The following SDCCAG8 variants were observed in gnomAD, a reference collection of about 807,000 sequenced individuals.
SDCCAG8 encodes the protein SHH signaling and ciliogenesis regulator SDCCAG8.
In SDCCAG8, 74 loss-of-function variants were observed where a neutral mutation model predicts 101.8. The observed-to-expected ratio is 0.73, with a 90% CI of 0.60 to 0.88. The LOEUF is 0.88. Among genes scored for constraint, SDCCAG8 ranks in the 40% least tolerant of loss-of-function variants. SDCCAG8 has a pLI of 0.00. For missense variants in SDCCAG8, 787 were observed against 822.6 expected (o/e 0.96, Z 0.53); for synonymous variants, 281 against 292.9 (o/e 0.96, Z 0.41).
chr1:243,334,139 T>C (rs1320756343), intron 10 of SDCCAG8, among the ~76,000 whole-genome samples: 1 of 152,162 alleles, frequency 6.6e-6, no homozygotes, highest in Non-Finnish European at 1.5e-5. Flanking sequence ...CTTAAGCCCC[T>C]GAGCATTTAC....
intron 13 of SDCCAG8, among the ~76,000 whole-genome samples, chr1:243,403,526 T>C (rs1311792190): frequency 6.6e-6 from 1 of 152,154 alleles, no homozygotes; most frequent in Non-Finnish European, 1.5e-5. Context: ...AGAGGTACTG[T>C]TATTAACCTT....
At chr1:243,281,866 G>A (rs895550222) in intron 4 of SDCCAG8, among the ~76,000 whole-genome samples, 16 of 151,902 alleles carry the variant, frequency 1.1e-4, no homozygotes, top group Admixed American at 5.9e-4. Context: ...GGCTGGTGGC[G>A]AACTCCTGGC....
chr1:243,435,843 C>T (rs566991427), intron 16 of SDCCAG8, among the ~76,000 whole-genome samples: 6 of 151,758 alleles, frequency 4.0e-5, no homozygotes, highest in African/African-American at 1.2e-4. Context: ...TCTTTACAAT[C>T]GTATTTTCAG....
At chr1:243,440,584 G>C (rs933233500) in intron 16 of SDCCAG8, among the ~76,000 whole-genome samples, 9 of 152,186 alleles carry the variant, frequency 5.9e-5, no homozygotes, top group African/African-American at 2.2e-4. Context: ...GGAGCTGTGT[G>C]TAAGGCCCTG....
chr1:243,457,973 G>A (rs947323617), intron 16 of SDCCAG8, among the ~76,000 whole-genome samples: 26 of 152,296 alleles, frequency 1.7e-4, no homozygotes, highest in African/African-American at 5.5e-4. Context: ...TAATATGTTA[G>A]GCATCACTCT....
Position 243,256,190 on chromosome 1 carries a change from A to G in SDCCAG8, c.17A>G (p.Glu6Gly). ...AGTGCGTGCATGGCGAAGTCCCCGG[A>G]GAACTCTACCCTGGAGGAGATTCTG... MAKSPENSTLEEILGQ... is the reference protein window; with the variant it reads MAKSPGNSTLEEILGQ... Residue 6 changes from glutamate (E) to glycine (G), a missense_variant, in exon 1 of 18, where the codon GAG (glutamate) becomes GGG (glycine). By Grantham distance (98) the Glu-to-Gly change is moderately conservative (BLOSUM62 -2). Transcript: ENST00000366541. The G allele has an allele frequency of 6.2e-7, 1 of 1,614,214 alleles. No homozygotes were observed. The highest frequency in any genetic ancestry group is 8.5e-7 in the Non-Finnish European group (1 of 1,180,016).
At chr1:243,309,309 G>A (rs1176624754) in intron 8 of SDCCAG8, among the ~76,000 whole-genome samples, 2 of 152,140 alleles carry the variant, frequency 1.3e-5, no homozygotes, top group African/African-American at 4.8e-5. Context: ...TTAAAATGGT[G>A]ACATAAGTAC....
In SDCCAG8 at chr1:243,316,333, A is replaced by G. The variant is rs377391470; in HGVS notation, c.930-422A>G. ...AAAGGACATATATTTGTTCAAGTAA[A>G]TGAGAGGAGAATCTGCTGCATGGAC... is the stretch of plus-strand genomic sequence containing the variant. On this transcript the variant is annotated intron_variant, in intron 8 of 17. Coordinates refer to ENST00000366541, the MANE Select transcript of SDCCAG8 (RefSeq NM_006642.5). Among the ~76,000 whole-genome samples, 135 of 152,332 alleles carry G rather than the reference A, an allele frequency of 8.9e-4. 1 individual carries two copies. The highest frequency in any genetic ancestry group is 3.0e-3 in the African/African-American group (126 of 41,582).
chr1:243,340,224 A>G (rs1239981448), intron 10 of SDCCAG8, among the ~76,000 whole-genome samples: 1 of 152,222 alleles, frequency 6.6e-6, no homozygotes, highest in African/African-American at 2.4e-5. Flanking sequence ...TGGTTGAGGT[A>G]CACAGAGGTT....
chr1:243,385,301 G>A (rs1320595723), intron 13 of SDCCAG8, among the ~76,000 whole-genome samples: 1 of 152,096 alleles, frequency 6.6e-6, no homozygotes, highest in Admixed American at 6.5e-5. Flanking sequence ...GAGGTGGGAG[G>A]ATGGCTTGAG....
intron 3 of SDCCAG8, among the ~76,000 whole-genome samples, chr1:243,272,051 C>T (rs1273802449): frequency 1.3e-5 from 2 of 152,020 alleles, no homozygotes; most frequent in African/African-American, 2.4e-5. Context: ...TTTAAGTGGA[C>T]AAAATAATAG....
rs1191320866 is a variant in SDCCAG8, at chr1:243,293,242, C to G, written c.675+23C>G. ...CTGGTGAGTATTTGGGTGCTTTTCTCTTATACATCTTTTTTTTCTTTTTCT... is the reference window on the plus strand; with the variant it reads ...CTGGTGAGTATTTGGGTGCTTTTCTGTTATACATCTTTTTTTTCTTTTTCT... On this transcript the variant is annotated intron_variant, in intron 6 of 17. Coordinates refer to ENST00000366541, the MANE Select transcript of SDCCAG8 (RefSeq NM_006642.5). 2.5e-6 allele frequency: 4 copies of G among 1,609,832 alleles called. No homozygotes were observed. In the South Asian group the frequency reaches 4.4e-5, roughly 18 times the overall value.
intron 15 of SDCCAG8, 42 bp from the exon 16 acceptor site, chr1:243,426,385 A>G: frequency 1.3e-6 from 2 of 1,564,906 alleles, no homozygotes; most frequent in Non-Finnish European, 1.8e-6. Context: ...CCCTAGTAAT[A>G]AGAACTTCTA....
At chr1:243,256,659 A>C (rs2066726878) in intron 1 of SDCCAG8, among the ~76,000 whole-genome samples, 1 of 152,244 alleles carries the variant, frequency 6.6e-6, no homozygotes, top group Admixed American at 6.5e-5. Flanking sequence ...ACTAATAATT[A>C]TTTTAATCAC....
intron 2 of SDCCAG8, 51 bp from the exon 3 acceptor site, chr1:243,270,927 A>G (rs1360943234): frequency 7.4e-7 from 1 of 1,354,540 alleles, no homozygotes. Context: ...GGGTGGTAAG[A>G]AACCATGGAT....
chr1:243,327,400 A>G lies in SDCCAG8; in HGVS notation c.1069-3140A>G, dbSNP rs866388588. ...AATTAAAATTATAATTTATAATTTT[A>G]TAGAAATTTATAATTTTATAGAAGT... On this transcript the variant is annotated intron_variant, in intron 9 of 17. Coordinates refer to ENST00000366541, the MANE Select transcript of SDCCAG8 (RefSeq NM_006642.5). 1.1e-3 allele frequency among the ~76,000 whole-genome samples: 146 copies of G among 136,190 alleles called. 2 individuals are homozygous for G. The highest frequency in any genetic ancestry group is 1.5e-3 in the Non-Finnish European group (94 of 60,798). The allele number at this position is 136,190 out of a possible 152,430, so 89.3% of individuals were successfully genotyped here.
chr1:243,378,165 T>A (rs1344056243), intron 12 of SDCCAG8, among the ~76,000 whole-genome samples: 1 of 151,904 alleles, frequency 6.6e-6, no homozygotes, highest in East Asian at 1.9e-4. Context: ...AATGCTTAAA[T>A]TTCTCATGCT....
intron 4 of SDCCAG8, among the ~76,000 whole-genome samples, chr1:243,281,587 A>G (rs2069047787): frequency 1.3e-5 from 2 of 149,928 alleles, no homozygotes; most frequent in Non-Finnish European, 1.5e-5. Flanking sequence ...TGTTACTATT[A>G]TCTTCATTGT....
intron 13 of SDCCAG8, among the ~76,000 whole-genome samples, chr1:243,415,288 C>T (rs1319739812): frequency 6.6e-6 from 1 of 152,074 alleles, no homozygotes; most frequent in African/African-American, 2.4e-5. Context: ...AGAGTGAAAA[C>T]AGAGGTGGTC....
Sources: gnomAD v4.1 joint callset for allele counts (sites outside exome capture counted in the v4.1 genomes callset) on GRCh38, gnomAD v4.1.1 for gene constraint, MANE v1.5 for transcripts, NCBI Gene and HGNC (gene_info 2026-07-23, HGNC 2026-07-21) for gene names.